The following ATRNL1 variants were observed in gnomAD, a reference collection of about 807,000 sequenced individuals.
ATRNL1 encodes the protein attractin like 1, also known as attractin-like protein 1.
ATRNL1 carries 95 observed loss-of-function variants against 182.7 expected under a neutral mutation model. The observed-to-expected ratio is 0.52, with a 90% CI of 0.44 to 0.62. The LOEUF (loss-of-function observed/expected upper bound fraction) is 0.62, where lower values mean the gene tolerates loss of function less well. ATRNL1 is among the 20% of genes least tolerant of loss of function. ATRNL1 has a pLI of 0.00. For synonymous variants in ATRNL1, 576 were observed against 568.3 expected, an observed-to-expected ratio of 1.01 and a Z score of -0.19; for missense variants, 1,471 against 1,679.5, an observed-to-expected ratio of 0.88 and a Z score of 2.17.
chr10:115,792,810 G>A (rs538876283), intron 27 of ATRNL1, among the ~76,000 whole-genome samples: 5 of 151,668 alleles, frequency 3.3e-5, no homozygotes, highest in African/African-American at 7.2e-5. Context: ...TGCTCAATAC[G>A]GTTAAGTTCA....
At chr10:115,365,169 A>G (rs1856964393) in intron 19 of ATRNL1, among the ~76,000 whole-genome samples, 1 of 152,142 alleles carries the variant, frequency 6.6e-6, no homozygotes, top group African/African-American at 2.4e-5. Context: ...TTTGGTTGGT[A>G]AACTACTGAG....
rs149595178 is a variant in ATRNL1, at chr10:115,301,797, AC to A, written c.2630-57del. 334 of 1,417,538 alleles carry A rather than the reference AC, an allele frequency of 2.4e-4. No individual in the cohort carries two copies. The African/African-American group carries it at 4.4e-3, about 19-fold the overall frequency. The allele number at this position is 1,417,538 out of a possible 1,614,324, so 87.8% of individuals were successfully genotyped here. On this transcript the variant is annotated intron_variant, in intron 16 of 28. Transcript: ENST00000355044. ...GAACAGCAAAGCAAAGAAAACCCATACAATTGTGTTAACATGAAGTTAAAAA... is the reference window on the plus strand; with the variant it reads ...GAACAGCAAAGCAAAGAAAACCCATAAATTGTGTTAACATGAAGTTAAAAA...
intron 27 of ATRNL1, among the ~76,000 whole-genome samples, chr10:115,757,805 G>A (rs1253930223): frequency 1.3e-5 from 2 of 152,052 alleles, no homozygotes; most frequent in African/African-American, 4.8e-5. Flanking sequence ...ACAGTCAAAT[G>A]TAGATTTGGT....
intron 13 of ATRNL1, among the ~76,000 whole-genome samples, chr10:115,276,896 AT>A (rs1238430436): frequency 3.9e-5 from 6 of 152,054 alleles, no homozygotes; most frequent in African/African-American, 1.4e-4. Flanking sequence ...AAATGACTAT[AT>A]TTTTCTTAAT....
intron 28 of ATRNL1, among the ~76,000 whole-genome samples, chr10:115,911,867 C>A (rs1329154458): frequency 6.6e-6 from 1 of 152,162 alleles, no homozygotes; most frequent in East Asian, 1.9e-4. Context: ...TCCCATGCAC[C>A]ATCCCGTGTT....
At chr10:115,188,501 C>A (rs1005158173) in intron 8 of ATRNL1, among the ~76,000 whole-genome samples, 61 of 152,198 alleles carry the variant, frequency 4.0e-4, no homozygotes, top group African/African-American at 1.4e-3. Context: ...AGCAATACCT[C>A]ATAAACTTTC....
At chr10:115,561,690 G>GGGTGTGTGTGTGTGTGTGTGT (rs1554999705) in intron 26 of ATRNL1, among the ~76,000 whole-genome samples, 1 of 50,446 alleles carries the variant, frequency 2.0e-5, no homozygotes, top group African/African-American at 7.0e-5. Context: ...TGTGTGTGTG[G>GGGTGTGTGTGTGTGTGTGTGT]GTGTGTGTGT....
intron 27 of ATRNL1, among the ~76,000 whole-genome samples, chr10:115,813,668 C>T (rs1396349899): frequency 1.3e-5 from 2 of 152,058 alleles, no homozygotes; most frequent in Non-Finnish European, 2.9e-5. Flanking sequence ...AAGTGCATCA[C>T]CATTAAAACA....
chr10:115,592,817 C>T (rs1224118217), intron 26 of ATRNL1, among the ~76,000 whole-genome samples: 1 of 152,162 alleles, frequency 6.6e-6, no homozygotes, highest in Non-Finnish European at 1.5e-5. Flanking sequence ...GTTGTTGAAA[C>T]TCTATATATT....
intron 9 of ATRNL1, among the ~76,000 whole-genome samples, chr10:115,235,920 C>G (rs2265930): frequency 0.34 from 51,229 of 151,818 alleles, 9,001 homozygotes; most frequent in African/African-American, 0.42. Context: ...TTACTAAGTG[C>G]TTATATTTCA....
intron 27 of ATRNL1, among the ~76,000 whole-genome samples, chr10:115,746,524 A>G (rs555688374): frequency 5.9e-5 from 9 of 152,172 alleles, no homozygotes; most frequent in African/African-American, 2.2e-4. Flanking sequence ...ACATTAAATT[A>G]TATGAACTGT....
rs782025858 is a variant in ATRNL1 at position 115,621,313 on chromosome 10, A to AGT, written c.3795+71783_3795+71784dup. On this transcript the variant is annotated intron_variant, in intron 26 of 28. Transcript: ENST00000355044. Reference sequence around the variant, plus strand: ...GAGAGAGAGAGAGAGAGAGAGAGAGAGTGTGTGAGTGAGTCAGCATCTTAC... The same window carrying AGT: ...GAGAGAGAGAGAGAGAGAGAGAGAGAGTGTGTGTGAGTGAGTCAGCATCTTAC... Among the ~76,000 whole-genome samples, 207 of 74,078 alleles carry AGT rather than the reference A, an allele frequency of 2.8e-3. 3 individuals are homozygous for AGT. The highest frequency in any genetic ancestry group is 8.5e-3 in the African/African-American group (201 of 23,690). The allele number at this position is 74,078 out of a possible 152,430, so 48.6% of individuals were successfully genotyped here.
intron 28 of ATRNL1, among the ~76,000 whole-genome samples, chr10:115,905,117 C>A (rs1555114270): frequency 6.6e-6 from 1 of 152,094 alleles, no homozygotes; most frequent in Non-Finnish European, 1.5e-5. Flanking sequence ...TGAGCTAGTC[C>A]CCAGCTACTA....
At chr10:115,773,356 C>T (rs1555076952) in intron 27 of ATRNL1, among the ~76,000 whole-genome samples, 1 of 152,040 alleles carries the variant, frequency 6.6e-6, no homozygotes, top group African/African-American at 2.4e-5. Flanking sequence ...AAGTTATTTC[C>T]TATCTGGACT....
intron 24 of ATRNL1, among the ~76,000 whole-genome samples, chr10:115,503,047 G>A (rs1490710661): frequency 6.6e-6 from 1 of 152,118 alleles, no homozygotes; most frequent in Non-Finnish European, 1.5e-5. Context: ...AGATAAGGCT[G>A]TAACTGCTTT....
At chr10:115,785,087 T>C (rs1383255513) in intron 27 of ATRNL1, among the ~76,000 whole-genome samples, 4 of 152,194 alleles carry the variant, frequency 2.6e-5, no homozygotes, top group Admixed American at 2.0e-4. Context: ...AAACCAGGTA[T>C]AGGTAAGACT....
chr10:115,449,178 C>T (rs558789272), intron 21 of ATRNL1, among the ~76,000 whole-genome samples: 28 of 152,294 alleles, frequency 1.8e-4, no homozygotes, highest in African/African-American at 6.5e-4. Flanking sequence ...GCCCACCCCA[C>T]TCCCCTGATT....
In ATRNL1 at chr10:115,445,318, G is replaced by T. The variant is rs1171420078; in HGVS notation, c.3323-16623G>T. 2.7e-5 allele frequency among the ~76,000 whole-genome samples: 4 copies of T among 148,182 alleles called. No individual in the cohort carries two copies. In the Admixed American group the frequency reaches 2.8e-4, roughly 10 times the overall value. The stretch of plus-strand genomic sequence containing the variant: ...GTGGGGGCACACGCCTGTAATCCCA[G>T]TTACTCAGGAGCTGAGGCACAAGAA... On this transcript the variant is annotated intron_variant, in intron 21 of 28. Transcript: ENST00000355044.
Position 115,798,804 on chromosome 10 carries a change from CT to C in ATRNL1, c.3904-49064del, listed in dbSNP as rs544708882. Reference sequence around the variant, plus strand: ...CTCTGTCCACCAAGTAATGAGGTTGCTTTTTTTTTCTTTTTTTTCTTTTTTC... The same window carrying C: ...CTCTGTCCACCAAGTAATGAGGTTGCTTTTTTTTCTTTTTTTTCTTTTTTC... On this transcript the variant is annotated intron_variant, in intron 27 of 28. Coordinates refer to ENST00000355044, the MANE Select transcript of ATRNL1 (RefSeq NM_207303.4). Among the ~76,000 whole-genome samples, 225 of 145,550 alleles carry C rather than the reference CT, an allele frequency of 1.5e-3. 1 individual carries two copies. The highest frequency in any genetic ancestry group is 2.5e-3 in the Non-Finnish European group (167 of 66,766).
Sources: allele counts gnomAD v4.1 joint callset (sites outside exome capture counted in the v4.1 genomes callset), GRCh38; gene constraint gnomAD v4.1.1; transcripts MANE v1.5; gene names NCBI Gene and HGNC (gene_info 2026-07-23, HGNC 2026-07-21).